The following S100A8 variants were observed in gnomAD, a reference collection of about 807,000 sequenced individuals.
S100A8 encodes the protein S100 calcium binding protein A8.
In S100A8, 1 loss-of-function variant was observed where a neutral mutation model predicts 4.2. The ratio of observed to expected loss-of-function variants is 0.24; its 90% CI spans 0.08 to 1.12. The LOEUF (loss-of-function observed/expected upper bound fraction) is 1.12. Among genes scored for constraint, S100A8 ranks in the 50% most tolerant of loss-of-function variants. The probability of loss-of-function intolerance (pLI) is 0.53; values close to 1 mark genes in which losing one functional copy is unlikely to be tolerated. For synonymous variants in S100A8, 41 were observed against 44.7 expected (o/e 0.92, Z 0.33); for missense variants, 96 against 111.8 (o/e 0.86, Z 0.64).
the S100A8 span, among the ~76,000 whole-genome samples, chr1:153,412,274 A>G: frequency 3.3e-5 from 5 of 152,220 alleles, no homozygotes; most frequent in Non-Finnish European, 5.9e-5. Flanking sequence ...AATGAACTCA[A>G]ACAAATTTAC....
At chr1:153,414,879 G>A in the S100A8 span, among the ~76,000 whole-genome samples, 42 of 152,192 alleles carry the variant, frequency 2.8e-4, no homozygotes, top group African/African-American at 9.6e-4. Flanking sequence ...TAAATAACAC[G>A]CATTGTACCC....
the S100A8 span, chr1:153,417,919 C>T: frequency 5.1e-6 from 5 of 987,740 alleles, no homozygotes; most frequent in South Asian, 8.8e-5. Context: ...TTTTGAACAA[C>T]TTATCCCATC....
chr1:153,407,183 A>C, the S100A8 span, among the ~76,000 whole-genome samples: 1 of 152,248 alleles, frequency 6.6e-6, no homozygotes, highest in African/African-American at 2.4e-5. Context: ...CACCTCACCC[A>C]GGAAGCACAA....
At chr1:153,397,652 A>G in the S100A8 span, among the ~76,000 whole-genome samples, 1 of 152,080 alleles carries the variant, frequency 6.6e-6, no homozygotes, top group Non-Finnish European at 1.5e-5. Context: ...GGGCATGAGG[A>G]CCAGTGTGAA....
chr1:153,409,102 G>A, the S100A8 span, among the ~76,000 whole-genome samples: 1 of 152,130 alleles, frequency 6.6e-6, no homozygotes, highest in African/African-American at 2.4e-5. Flanking sequence ...ACATCATAAT[G>A]ACAGGATCAA....
chr1:153,417,972 GT>G, the S100A8 span: 1 of 1,493,892 alleles, frequency 6.7e-7, no homozygotes, highest in Non-Finnish European at 9.1e-7. Context: ...TCTTAGGGCT[GT>G]TTTTACTCTG....
rs373470624 is a variant in S100A8 at position 153,390,989 on chromosome 1, C to T, written c.-23+52G>A. 1.4e-5 allele frequency: 14 copies of T among 989,830 alleles called. No individual in the cohort carries two copies. The African/African-American group carries it at 2.1e-4, about 15-fold the overall frequency. 61.3% of individuals were successfully genotyped at this position (989,830 alleles called of 1,614,324 possible). On this transcript the variant is annotated intron_variant, in intron 1 of 2. Transcript: ENST00000368733. ...AGGAAGGCTGCTCCACTTCCCTGACCCTCCCCAAGAGAAGCCCAAAGTGCG... is the reference window on the plus strand; with the variant it reads ...AGGAAGGCTGCTCCACTTCCCTGACTCTCCCCAAGAGAAGCCCAAAGTGCG...
the S100A8 span, chr1:153,419,445 G>A: frequency 2.9e-6 from 3 of 1,035,932 alleles, no homozygotes; most frequent in Non-Finnish European, 4.2e-6. Context: ...CTTTGTTGGA[G>A]AATTTCCCCC....
the S100A8 span, chr1:153,419,325 G>T: frequency 1.2e-6 from 2 of 1,610,130 alleles, no homozygotes; most frequent in Non-Finnish European, 1.7e-6. Flanking sequence ...CCCCACCAAG[G>T]GGCCTCCAGA....
At chr1:153,406,923 T>C in the S100A8 span, among the ~76,000 whole-genome samples, 65 of 152,366 alleles carry the variant, frequency 4.3e-4, no homozygotes, top group African/African-American at 1.4e-3. Context: ...GCTAATTTGC[T>C]AAGATTTTGA....
At chr1:153,392,102 A>G (rs1662112510), upstream of S100A8, among the ~76,000 whole-genome samples, 1 of 152,236 alleles carries the variant, frequency 6.6e-6, no homozygotes, top group South Asian at 2.1e-4. Context: ...AATATCTGAT[A>G]AGGGATTAAT....
At chr1:153,396,697 C>T in the S100A8 span, 1 of 152,354 alleles carries the variant, frequency 6.6e-6, no homozygotes, top group Non-Finnish European at 1.5e-5. Flanking sequence ...CTCATCGAAG[C>T]AGATCTGGTT....
At chr1:153,414,619 A>G in the S100A8 span, among the ~76,000 whole-genome samples, 3 of 152,230 alleles carry the variant, frequency 2.0e-5, no homozygotes, top group Non-Finnish European at 4.4e-5. Context: ...ACCAAATGCT[A>G]AAGAAGGATG....
the S100A8 span, among the ~76,000 whole-genome samples, chr1:153,400,931 T>C: frequency 1.3e-5 from 2 of 152,368 alleles, no homozygotes; most frequent in Non-Finnish European, 2.9e-5. Context: ...GTTGGACAAT[T>C]GCTGGATAAC....
chr1:153,390,106 C>A lies in S100A8; in HGVS notation c.279G>T (p.Glu93Asp). 1 of 1,612,762 alleles carries A rather than the reference C, an allele frequency of 6.2e-7. No homozygotes were observed. The highest frequency in any genetic ancestry group is 1.1e-5 in the South Asian group (1 of 90,976). The change falls in exon 3 of 3, where the codon GAG becomes GAT. Residue 93 changes from glutamate to aspartate, a missense_variant. Coordinates refer to ENST00000368733, the MANE Select transcript of S100A8 (RefSeq NM_002964.5). ...GCCTCTGGGCCCAGTAACTCAGCTA[C>A]TCTTTGTGGCTTTCTTCATGGCTTT... ...HKKSHEESHKE is the reference protein window; with the variant it reads ...HKKSHEESHKD
At chr1:153,391,822 C>A (rs1470140870), upstream of S100A8, among the ~76,000 whole-genome samples, 1 of 152,148 alleles carries the variant, frequency 6.6e-6, no homozygotes. Context: ...AGCCTTTCAC[C>A]CTCTCTTGGT....
upstream of S100A8, among the ~76,000 whole-genome samples, chr1:153,393,644 G>A (rs986301925): frequency 1.3e-5 from 2 of 152,168 alleles, no homozygotes; most frequent in Non-Finnish European, 2.9e-5. Flanking sequence ...TTTCTGACAT[G>A]ACAAGTTTTC....
chr1:153,405,846 G>A, the S100A8 span, among the ~76,000 whole-genome samples: 3,661 of 152,014 alleles, frequency 0.024, 111 homozygotes, highest in African/African-American at 0.083. Context: ...GGCTGCAGCT[G>A]GGTGTTCTCA....
At chr1:153,394,776 C>T (rs1257362841), upstream of S100A8, among the ~76,000 whole-genome samples, 2 of 152,126 alleles carry the variant, frequency 1.3e-5, no homozygotes, top group African/African-American at 4.8e-5. Flanking sequence ...CAGCTCAGCT[C>T]CAGGGACAAT....
Sources: allele counts gnomAD v4.1 joint callset (sites outside exome capture counted in the v4.1 genomes callset), GRCh38; gene constraint gnomAD v4.1.1; transcripts MANE v1.5; gene names NCBI Gene and HGNC (gene_info 2026-07-23, HGNC 2026-07-21).